The following CNTNAP2 variants were observed in gnomAD, a reference collection of about 807,000 sequenced individuals.
The protein encoded by CNTNAP2 is contactin-associated protein-like 2.
A neutral mutation model predicts 155.2 loss-of-function variants in CNTNAP2; 98 were observed. The ratio of observed to expected loss-of-function variants is 0.63; its 90% confidence interval spans 0.54 to 0.75. The LOEUF (loss-of-function observed/expected upper bound fraction) is 0.75. CNTNAP2 is among the 30% of genes least tolerant of loss of function. The pLI is 0.00. For missense variants in CNTNAP2, 1,727 were observed against 1,688.1 expected, an observed-to-expected ratio of 1.02 and a Z score of -0.40; for synonymous variants, 651 against 631.2, an observed-to-expected ratio of 1.03 and a Z score of -0.47.
At chr7:146,757,615 G>A (rs1802015540) in intron 1 of CNTNAP2, among the ~76,000 whole-genome samples, 1 of 152,114 alleles carries the variant, frequency 6.6e-6, no homozygotes, top group Non-Finnish European at 1.5e-5. Context: ...ACATGAATAT[G>A]TCACTTGATC....
chr7:147,668,874 C>T (rs1401304721), intron 13 of CNTNAP2, among the ~76,000 whole-genome samples: 3 of 152,130 alleles, frequency 2.0e-5, no homozygotes, highest in Admixed American at 1.3e-4. Flanking sequence ...TAGGTGTTCA[C>T]ATCCTGTCAC....
rs138313942 is a variant in CNTNAP2 at position 147,562,240 on chromosome 7, T to C, written c.1880T>C (p.Val627Ala). 3 of 1,613,890 alleles carry C rather than the reference T, an allele frequency of 1.9e-6. No homozygotes were observed. In the African/African-American group the frequency reaches 4.0e-5, roughly 22 times the overall value. ...DGSGPLGPLK[V>A]YCNMTEDKVW... is the part of the protein sequence containing the mutation. ...AGCGGACCTCTGGGGCCTCTGAAAGTTTACTGCAACATGACAGGTAACTGT... is the reference window on the plus strand; with the variant it reads ...AGCGGACCTCTGGGGCCTCTGAAAGCTTACTGCAACATGACAGGTAACTGT... The change falls in exon 12 of 24, where the codon GTT (valine) becomes GCT (alanine). Residue 627 changes from valine (V) to alanine (A), a missense_variant. By Grantham distance (64) the Val-to-Ala change is moderately conservative. Transcript: ENST00000361727.
chr7:147,647,217 T>C lies in CNTNAP2; in HGVS notation c.2098+7911T>C, dbSNP rs182806530. Among the ~76,000 whole-genome samples the C allele has an allele frequency of 7.2e-3, 1,094 of 151,872 alleles. 14 individuals carry two copies. The highest frequency in any genetic ancestry group is 0.025 in the African/African-American group (1,028 of 41,428). The stretch of plus-strand genomic sequence containing the variant: ...GGTTTCACCATGTTGCCCAGACTGG[T>C]CTAGAACTCCTGAGCTCAGGCAATC... On this transcript the variant is annotated intron_variant, in intron 13 of 23. Transcript: ENST00000361727.
In CNTNAP2 at chr7:148,417,092, CT is replaced by C. The variant is rs1447339365; in HGVS notation, c.*1477del. On this transcript the variant is annotated 3_prime_UTR_variant, in exon 24 of 24. Coordinates refer to ENST00000361727, the MANE Select transcript of CNTNAP2 (RefSeq NM_014141.6). ...GCCTCTTATACTTAATAAGCACTTT[CT>C]AAAAAGTCTTGAGATCCCACCATTC... 3.0e-4 allele frequency: 45 copies of C among 152,146 alleles called. No homozygotes were observed. Among genetic ancestry groups the C allele is most frequent in the Non-Finnish European group, 3.4e-4 (23 of 68,026 alleles). 9.4% of individuals were successfully genotyped at this position (152,146 alleles called of 1,614,324 possible).
chr7:146,959,730 A>G (rs4726813), intron 3 of CNTNAP2, among the ~76,000 whole-genome samples: 32,755 of 149,088 alleles, frequency 0.22, 4,606 homozygotes, highest in Non-Finnish European at 0.31. Context: ...AAAAAAAAAA[A>G]AAAGAAAGAA....
chr7:146,791,664 T>A (rs1179486102), intron 2 of CNTNAP2, among the ~76,000 whole-genome samples: 1 of 152,208 alleles, frequency 6.6e-6, no homozygotes, highest in Non-Finnish European at 1.5e-5. Flanking sequence ...TAACTTTTCC[T>A]TCCACTGATA....
At chr7:146,451,204 C>T (rs1350990871) in intron 1 of CNTNAP2, among the ~76,000 whole-genome samples, 2 of 152,142 alleles carry the variant, frequency 1.3e-5, no homozygotes, top group Admixed American at 1.3e-4. Flanking sequence ...CCTTGGCCTC[C>T]CAAAGTGCTG....
At chr7:147,776,833 T>C (rs1191266727) in intron 13 of CNTNAP2, among the ~76,000 whole-genome samples, 1 of 152,058 alleles carries the variant, frequency 6.6e-6, no homozygotes, top group African/African-American at 2.4e-5. Context: ...TTTGTTTCTT[T>C]CTTTAATGAG....
At chr7:147,424,746 C>T (rs1797351471) in intron 10 of CNTNAP2, among the ~76,000 whole-genome samples, 1 of 152,184 alleles carries the variant, frequency 6.6e-6, no homozygotes, top group Non-Finnish European at 1.5e-5. Context: ...GTTTCTAATA[C>T]CAAACTACCA....
At chr7:148,347,470 A>G (rs1312245058) in intron 21 of CNTNAP2, among the ~76,000 whole-genome samples, 1 of 152,106 alleles carries the variant, frequency 6.6e-6, no homozygotes, top group East Asian at 1.9e-4. Flanking sequence ...CCTACCATAT[A>G]TGCCCCCCAT....
At chr7:147,626,741 A>C (rs542554552) in intron 12 of CNTNAP2, among the ~76,000 whole-genome samples, 1 of 152,272 alleles carries the variant, frequency 6.6e-6, no homozygotes, top group African/African-American at 2.4e-5. Flanking sequence ...CTCATGGTAG[A>C]ATAACCCTGA....
chr7:148,038,491 A>G (rs1438279427), intron 15 of CNTNAP2, among the ~76,000 whole-genome samples: 1 of 152,116 alleles, frequency 6.6e-6, no homozygotes, highest in East Asian at 1.9e-4. Flanking sequence ...CATAGCATCT[A>G]ATTCTATTTT....
intron 15 of CNTNAP2, among the ~76,000 whole-genome samples, chr7:148,022,367 G>A (rs1310416222): frequency 6.6e-6 from 1 of 151,848 alleles, no homozygotes; most frequent in Non-Finnish European, 1.5e-5. Context: ...TACTCAGGAG[G>A]CTGAGGCAGG....
chr7:148,329,863 A>AC (rs78997408), intron 21 of CNTNAP2, among the ~76,000 whole-genome samples: 9,472 of 151,732 alleles, frequency 0.062, 790 homozygotes, highest in East Asian at 0.41. Context: ...CCTGATGCAC[A>AC]CCCCCCGGGC....
intron 21 of CNTNAP2, among the ~76,000 whole-genome samples, chr7:148,324,105 G>A (rs763274146): frequency 2.5e-4 from 38 of 151,904 alleles, no homozygotes; most frequent in Non-Finnish European, 5.3e-4. Flanking sequence ...GGCTGGTCTC[G>A]AACTCCTGAC....
Position 147,977,894 on chromosome 7 carries a change from A to T in CNTNAP2, c.2288A>T (p.Asp763Val), listed in dbSNP as rs201483304. The change falls in exon 15 of 24, where the codon GAT (aspartate) becomes GTT (valine). Residue 763 changes from aspartate to valine, a missense_variant. Physicochemically the swap from Asp to Val is radical, Grantham distance 152. Transcript: ENST00000361727. Reference sequence around the variant, plus strand: ...GATGCTGGTTTCTTATCATACAAAGATCACCTGCCAGTGAGCCAAGTGGTG... The same window carrying T: ...GATGCTGGTTTCTTATCATACAAAGTTCACCTGCCAGTGAGCCAAGTGGTG... ...RKDAGFLSYK[D>V]HLPVSQVVVG... 1.2e-6 allele frequency: 2 copies of T among 1,614,108 alleles called. No individual in the cohort carries two copies. The highest frequency in any genetic ancestry group is 1.7e-5 in the Admixed American group (1 of 60,014).
intron 1 of CNTNAP2, among the ~76,000 whole-genome samples, chr7:146,163,563 C>CTA (rs1327587717): frequency 3.1e-5 from 4 of 127,576 alleles, no homozygotes; most frequent in Non-Finnish European, 6.4e-5. Context: ...ATATCTATAT[C>CTA]TATCTATATC....
intron 1 of CNTNAP2, among the ~76,000 whole-genome samples, chr7:146,703,598 G>A (rs1800914108): frequency 6.6e-6 from 1 of 152,070 alleles, no homozygotes; most frequent in South Asian, 2.1e-4. Flanking sequence ...CCAAGATCAA[G>A]GTTTAAGCAG....
chr7:146,737,525 T>G (rs1324069423), intron 1 of CNTNAP2, among the ~76,000 whole-genome samples: 1 of 152,214 alleles, frequency 6.6e-6, no homozygotes, highest in South Asian at 2.1e-4. Context: ...ATGGAACAGG[T>G]ATAACGGGTT....
Sources: gnomAD v4.1 joint callset for allele counts (sites outside exome capture counted in the v4.1 genomes callset) on GRCh38, gnomAD v4.1.1 for gene constraint, MANE v1.5 for transcripts, NCBI Gene and HGNC (gene_info 2026-07-23, HGNC 2026-07-21) for gene names.